FANCI: variants seen among roughly 807,000 people sequenced by gnomAD.
FANCI encodes Fanconi anemia group I protein.
A neutral mutation model predicts 176.1 loss-of-function variants in FANCI; 156 were observed. The observed-to-expected ratio is 0.89, with a 90% CI of 0.78 to 1.01. The LOEUF is 1.01. Among genes scored for constraint, FANCI ranks in the 50% least tolerant of loss-of-function variants. FANCI has a pLI of 0.00. For missense variants in FANCI, 1,678 were observed against 1,534.1 expected (o/e 1.09, Z -1.57); for synonymous variants, 613 against 541.7 (o/e 1.13, Z -1.83).
chr15:89,276,975 A>G, intron 13 of FANCI, 84 bp downstream of exon 13: 1 of 1,427,386 alleles, frequency 7.0e-7, no homozygotes. Flanking sequence ...AGTTTGGTGG[A>G]CAAGGAAATT....
intron 18 of FANCI, 75 bp downstream of exon 18, chr15:89,285,293 T>A: frequency 6.4e-7 from 1 of 1,564,290 alleles, no homozygotes; most frequent in African/African-American, 1.4e-5. Flanking sequence ...TTTTCCTGAT[T>A]ATAAAAGTAC....
Position 89,283,140 on chromosome 15 carries a change from C to G in FANCI, c.1588C>G (p.Leu530Val). 2 of 1,614,162 alleles carry G rather than the reference C, an allele frequency of 1.2e-6. No homozygotes were observed. The highest frequency in any genetic ancestry group is 1.7e-6 in the Non-Finnish European group (2 of 1,180,020). ...VLRKAMFANQ[L>V]DARKSAVAGF... ...ACTTCTCTATTTCTGAGCTAGCCAG[C>G]TTGATGCCCGAAAATCTGCAGTTGC... Residue 530 changes from leucine (L) to valine (V), a missense_variant, in exon 17 of 38, where the codon CTT becomes GTT. By Grantham distance (32) the Leu-to-Val change is conservative (BLOSUM62 1). Coordinates refer to ENST00000310775, the MANE Select transcript of FANCI (RefSeq NM_001113378.2).
intron 13 of FANCI, among the ~76,000 whole-genome samples, chr15:89,277,611 C>CAAAAAAA (rs554395033): frequency 1.0e-4 from 5 of 48,970 alleles, no homozygotes; most frequent in Non-Finnish European, 1.6e-4. Flanking sequence ...GATCCTATCT[C>CAAAAAAA]AAAAAAAAAA....
intron 12 of FANCI, among the ~76,000 whole-genome samples, chr15:89,275,281 T>A (rs2053369084): frequency 6.6e-6 from 1 of 152,124 alleles, no homozygotes; most frequent in Admixed American, 6.5e-5. Context: ...TTATTTACTT[T>A]GTTGAAATTT....
intron 9 of FANCI, 139 bp from the exon 10 acceptor site, chr15:89,268,259 AT>A: frequency 1.4e-5 from 12 of 877,886 alleles, no homozygotes; most frequent in Admixed American, 1.9e-5. Flanking sequence ...CATCGGGCTG[AT>A]TTTTTTGTAT....
Position 89,305,885 on chromosome 15 carries a change from A to T in FANCI, c.3350-122A>T. Reference sequence around the variant, plus strand: ...TCACAGCACGATTAATTCACTCTGCATATTGAATGTTCGTTTTTCCATAAA... The same window carrying T: ...TCACAGCACGATTAATTCACTCTGCTTATTGAATGTTCGTTTTTCCATAAA... On this transcript the variant is annotated intron_variant, in intron 31 of 37. Transcript: ENST00000310775. 2.8e-6 allele frequency: 3 copies of T among 1,088,192 alleles called. No homozygotes were observed. In the South Asian group the frequency reaches 3.9e-5, roughly 14 times the overall value. 67.4% of individuals were successfully genotyped at this position (1,088,192 alleles called of 1,614,324 possible).
At chr15:89,307,882 G>A (rs2054788527) in intron 34 of FANCI, 16 of 1,440,562 alleles carry the variant, frequency 1.1e-5, no homozygotes, top group Non-Finnish European at 1.4e-5. Flanking sequence ...TTAATTTGGA[G>A]AAAGGAAGCA....
chr15:89,252,752 G>T (rs937938407), intron 2 of FANCI, among the ~76,000 whole-genome samples: 2 of 151,956 alleles, frequency 1.3e-5, no homozygotes, highest in Non-Finnish European at 2.9e-5. Context: ...AGTTAAAACA[G>T]GAATAAACCT....
At chr15:89,274,563 G>A (rs957159644) in intron 12 of FANCI, among the ~76,000 whole-genome samples, 1 of 137,778 alleles carries the variant, frequency 7.3e-6, no homozygotes, top group African/African-American at 2.7e-5. Context: ...TTTATTCCAT[G>A]ATATTACAAT....
At chr15:89,308,179 C>T in intron 34 of FANCI, 10 of 1,040,266 alleles carry the variant, frequency 9.6e-6, no homozygotes, top group Non-Finnish European at 1.0e-5. Context: ...TTTTTAACCT[C>T]ACCACTATTG....
chr15:89,260,796 T>C lies in FANCI; in HGVS notation c.241T>C (p.Leu81=), dbSNP rs1241855086. Residue 81 remains leucine, a synonymous_variant, in exon 4 of 38, where the codon TTG becomes CTG. Coordinates refer to ENST00000310775, the MANE Select transcript of FANCI (RefSeq NM_001113378.2). ...CCIQLVESGD[L]QKEIASEIIG... is the part of the protein sequence containing the mutation. ...TATCCAGTTGGTGGAATCGGGGGAT[T>C]TGCAGAAAGAAATAGCGTCTGAGAT... The C allele has an allele frequency of 1.9e-6, 3 of 1,613,920 alleles. No homozygotes were observed. Among genetic ancestry groups the C allele is most frequent in the African/African-American group, 1.3e-5 (1 of 74,906 alleles).
intron 34 of FANCI, among the ~76,000 whole-genome samples, chr15:89,308,486 C>A (rs941814122): frequency 6.6e-6 from 1 of 152,232 alleles, no homozygotes; most frequent in African/African-American, 2.4e-5. Flanking sequence ...AAGTGTCAAT[C>A]TCAGCCAAGA....
intron 18 of FANCI, 45 bp downstream of exon 18, chr15:89,285,263 AATTTTT>A (rs1743978319): frequency 6.2e-7 from 1 of 1,609,414 alleles, no homozygotes; most frequent in African/African-American, 1.4e-5. Context: ...CCCAACTAAT[AATTTTT>A]ATTTTAGTAA....
At chr15:89,299,442 C>G (rs1268947309) in intron 24 of FANCI, among the ~76,000 whole-genome samples, 1 of 152,120 alleles carries the variant, frequency 6.6e-6, no homozygotes, top group African/African-American at 2.4e-5. Flanking sequence ...CAGACCATTG[C>G]AAGAAAACTG....
chr15:89,300,690 G>T (rs149218942), intron 26 of FANCI, among the ~76,000 whole-genome samples: 25 of 152,330 alleles, frequency 1.6e-4, no homozygotes, highest in African/African-American at 6.0e-4. Flanking sequence ...TTCTGAGTCT[G>T]TGGTATAATT....
At position 89,264,388 on chromosome 15, in the gene FANCI, T is replaced by C. The variant is rs1439602294; in HGVS notation, c.670-134T>C. 3 of 766,242 alleles carry C rather than the reference T, an allele frequency of 3.9e-6. No individual in the cohort carries two copies. In the East Asian group the frequency reaches 8.1e-5, roughly 21 times the overall value. The allele number at this position is 766,242 out of a possible 1,614,324, so 47.5% of individuals were successfully genotyped here. A position where few individuals can be genotyped will look rare whatever the true frequency, so the allele number is the denominator to read the frequency against. On this transcript the variant is annotated intron_variant, in intron 8 of 37. Transcript: ENST00000310775. ...AACATGAAAGTGTTCTATACATTCT[T>C]AGTTTGAGTCTAAGTCATAGATTAT...
rs9672307 is a variant in FANCI, at chr15:89,298,978, C to T, written c.2637-822C>T. On this transcript the variant is annotated intron_variant, in intron 24 of 37. Coordinates refer to ENST00000310775, the MANE Select transcript of FANCI (RefSeq NM_001113378.2). Reference sequence around the variant, plus strand: ...CTGAGGTCAGCAGTTCAAGACCAGTCTGGCCAACATGGTGAAACCCCAGCT... The same window carrying T: ...CTGAGGTCAGCAGTTCAAGACCAGTTTGGCCAACATGGTGAAACCCCAGCT... 5.4e-3 allele frequency among the ~76,000 whole-genome samples: 816 copies of T among 152,158 alleles called. 9 individuals carry two copies. The highest frequency in any genetic ancestry group is 0.018 in the African/African-American group (747 of 41,506).
intron 26 of FANCI, 128 bp downstream of exon 26, chr15:89,300,513 G>T (rs11857748): frequency 9.4e-6 from 7 of 745,710 alleles, no homozygotes; most frequent in Non-Finnish European, 1.7e-5. Flanking sequence ...GGTCATACAG[G>T]CAACAGGACA....
intron 6 of FANCI, among the ~76,000 whole-genome samples, chr15:89,262,812 T>A (rs1413635738): frequency 6.6e-6 from 1 of 152,256 alleles, no homozygotes; most frequent in African/African-American, 2.4e-5. Flanking sequence ...TTTGCAGTAA[T>A]CTATTATTTG....
Sources: allele counts gnomAD v4.1 joint callset (sites outside exome capture counted in the v4.1 genomes callset), GRCh38; gene constraint gnomAD v4.1.1; transcripts MANE v1.5; gene names NCBI Gene and HGNC (gene_info 2026-07-23, HGNC 2026-07-21).